The following NBEA variants were observed in gnomAD, a reference collection of about 807,000 sequenced individuals.
NBEA encodes the protein lysosomal-trafficking regulator 2.
Under a neutral mutation model 343.4 loss-of-function variants are expected in NBEA, and 44 were observed. The observed-to-expected ratio is 0.13, with a 90% CI of 0.10 to 0.16. NBEA has a LOEUF of 0.16. NBEA is among the 10% of genes least tolerant of loss of function. The probability of loss-of-function intolerance (pLI) is 1.00; values close to 1 mark genes in which losing one functional copy is unlikely to be tolerated. For missense variants in NBEA, 2,555 were observed against 3,631.3 expected, an observed-to-expected ratio of 0.70 and a Z score of 7.62; for synonymous variants, 1,175 against 1,238.7, an observed-to-expected ratio of 0.95 and a Z score of 1.08.
intron 39 of NBEA, among the ~76,000 whole-genome samples, chr13:35,439,764 GAAAA>G (rs1162426833): frequency 6.7e-6 from 1 of 150,350 alleles, no homozygotes; most frequent in Admixed American, 6.6e-5. Flanking sequence ...TTGCATTTTA[GAAAA>G]AAAAAGAATC....
rs143125033 is a variant in NBEA, at chr13:35,567,011, A to G, written c.7029A>G (p.Leu2343=). 2 of 1,584,966 alleles carry G rather than the reference A, an allele frequency of 1.3e-6. No individual in the cohort carries two copies. Among genetic ancestry groups the G allele is most frequent in the South Asian group, 1.1e-5 (1 of 90,020 alleles). Residue 2343 remains leucine, a synonymous_variant, in exon 45 of 59, where the codon CTA becomes CTG. Coordinates refer to ENST00000379939, the MANE Select transcript of NBEA (RefSeq NM_001385012.1). ...DLTLPGNFRD[L]SKPIGALNPK... is the part of the protein sequence containing the mutation. ...CTCTTCCAGGAAACTTCAGGGATCT[A>G]TCAAAGGTAACTTTTAAATATATAG...
chr13:35,338,988 G>A (rs922963816), intron 36 of NBEA, among the ~76,000 whole-genome samples: 2 of 151,930 alleles, frequency 1.3e-5, no homozygotes, highest in Non-Finnish European at 2.9e-5. Context: ...AAGGAAGGAA[G>A]CTTTCTCAGT....
At chr13:35,048,727 T>G in intron 5 of NBEA, 43 bp downstream of exon 5, 1 of 1,079,524 alleles carries the variant, frequency 9.3e-7, no homozygotes, top group South Asian at 1.5e-5. Flanking sequence ...CTTTAAGTAC[T>G]TGAATTCTAT....
chr13:35,617,840 T>A (rs1449352006), intron 48 of NBEA, among the ~76,000 whole-genome samples: 1 of 152,224 alleles, frequency 6.6e-6, no homozygotes, highest in African/African-American at 2.4e-5. Context: ...TAACCAGTTA[T>A]CTACATATGT....
intron 45 of NBEA, among the ~76,000 whole-genome samples, chr13:35,567,641 G>A (rs909728751): frequency 2.6e-5 from 4 of 152,154 alleles, no homozygotes; most frequent in African/African-American, 4.8e-5. Context: ...CTAAGCTTAC[G>A]CCAGAGGCCT....
chr13:35,569,918 T>C (rs2080314812), intron 45 of NBEA, among the ~76,000 whole-genome samples: 1 of 152,224 alleles, frequency 6.6e-6, no homozygotes, highest in Non-Finnish European at 1.5e-5. Flanking sequence ...TAATCATAGA[T>C]TTTTTTCATT....
chr13:35,585,495 C>T (rs1408965982), intron 46 of NBEA, among the ~76,000 whole-genome samples: 16 of 152,122 alleles, frequency 1.1e-4, no homozygotes, highest in Non-Finnish European at 4.4e-5. Context: ...CTGTTCTGCT[C>T]AGTCTCCTGT....
At chr13:34,996,108 A>G (rs1314426700) in intron 1 of NBEA, among the ~76,000 whole-genome samples, 1 of 152,174 alleles carries the variant, frequency 6.6e-6, no homozygotes, top group Non-Finnish European at 1.5e-5. Context: ...GCCTATGTCC[A>G]TTCCTAATCT....
chr13:35,085,019 C>T (rs1422109386), intron 10 of NBEA, among the ~76,000 whole-genome samples: 1 of 152,110 alleles, frequency 6.6e-6, no homozygotes. Context: ...TACACCCTCC[C>T]AAGACTAGCC....
At chr13:35,022,686 A>G (rs1471438838) in intron 1 of NBEA, among the ~76,000 whole-genome samples, 1 of 152,072 alleles carries the variant, frequency 6.6e-6, no homozygotes, top group African/African-American at 2.4e-5. Flanking sequence ...GTATTCATAT[A>G]TTTATTTATG....
intron 38 of NBEA, among the ~76,000 whole-genome samples, chr13:35,405,831 A>T (rs997841262): frequency 4.6e-5 from 7 of 152,164 alleles, no homozygotes; most frequent in Non-Finnish European, 1.0e-4. Context: ...AAGAATGCCT[A>T]CTTTCTTCCA....
At chr13:34,950,502 T>A (rs2059316901) in intron 1 of NBEA, among the ~76,000 whole-genome samples, 1 of 151,590 alleles carries the variant, frequency 6.6e-6, no homozygotes, top group Non-Finnish European at 1.5e-5. Flanking sequence ...AATATTTAAA[T>A]ACTAATGTTT....
intron 36 of NBEA, among the ~76,000 whole-genome samples, chr13:35,331,262 C>A (rs1270123356): frequency 1.3e-5 from 2 of 151,894 alleles, no homozygotes; most frequent in African/African-American, 2.4e-5. Context: ...GGTATTAAAT[C>A]CCCAATCAAA....
At chr13:35,418,734 G>A (rs1164254541) in intron 38 of NBEA, among the ~76,000 whole-genome samples, 2 of 151,934 alleles carry the variant, frequency 1.3e-5, no homozygotes, top group Non-Finnish European at 2.9e-5. Flanking sequence ...TTCTACAGTA[G>A]AAAAACGTCT....
chr13:35,551,020 T>C lies in NBEA; in HGVS notation c.6794T>C (p.Leu2265Pro). 6.3e-7 allele frequency: 1 copy of C among 1,591,530 alleles called. No individual in the cohort carries two copies. Among genetic ancestry groups the C allele is most frequent in the Non-Finnish European group, 8.6e-7 (1 of 1,161,780 alleles). ...GTTGGAGTAGGGACCAGCTATGGTC[T>C]GCCACAAGCCAGGTAATTATATCAT... ...PRVGVGTSYGLPQARRISLAT... is the reference protein window; with the variant it reads ...PRVGVGTSYGPPQARRISLAT... The change falls in exon 43 of 59, where the codon CTG becomes CCG. Residue 2265 changes from leucine to proline, a missense_variant. Transcript: ENST00000379939.
intron 38 of NBEA, among the ~76,000 whole-genome samples, chr13:35,421,683 T>C (rs1258955574): frequency 6.6e-6 from 1 of 152,124 alleles, no homozygotes; most frequent in African/African-American, 2.4e-5. Context: ...GGACTGCCTA[T>C]AGCCTTTCTT....
chr13:35,101,924 T>G (rs2065665985), intron 11 of NBEA, among the ~76,000 whole-genome samples: 1 of 151,794 alleles, frequency 6.6e-6, no homozygotes, highest in East Asian at 1.9e-4. Flanking sequence ...TAATATAGGT[T>G]AAAATTTTCA....
At chr13:35,561,513 G>A (rs2079855827) in intron 44 of NBEA, among the ~76,000 whole-genome samples, 1 of 152,042 alleles carries the variant, frequency 6.6e-6, no homozygotes. Context: ...GTACCAAACT[G>A]TACATTATTA....
chr13:35,066,283 T>C (rs1205326364), intron 8 of NBEA, among the ~76,000 whole-genome samples: 1 of 152,138 alleles, frequency 6.6e-6, no homozygotes, highest in African/African-American at 2.4e-5. Context: ...GAAGAATGTG[T>C]ATTAAGCTGT....
Sources: gnomAD v4.1 joint callset for allele counts (sites outside exome capture counted in the v4.1 genomes callset) on GRCh38, gnomAD v4.1.1 for gene constraint, MANE v1.5 for transcripts, NCBI Gene and HGNC (gene_info 2026-07-23, HGNC 2026-07-21) for gene names.